The following RALYL variants were observed in gnomAD, a reference collection of about 807,000 sequenced individuals.
RALYL encodes the protein RNA-binding Raly-like protein.
In RALYL, 29 loss-of-function variants were observed where a neutral mutation model predicts 35.1. The observed-to-expected ratio is 0.83, with a 90% CI of 0.61 to 1.13. RALYL has a LOEUF of 1.13. Ranked by LOEUF, RALYL falls within the 50% of genes most tolerant of loss-of-function variation. The pLI is 0.00. For missense variants in RALYL, 359 were observed against 360.4 expected, an observed-to-expected ratio of 1.00 and a Z score of 0.03; for synonymous variants, 120 against 127.6, an observed-to-expected ratio of 0.94 and a Z score of 0.40.
At position 84,299,566 on chromosome 8, in the gene RALYL, G is replaced by A. The variant is rs567901808; in HGVS notation, c.-24+115142G>A. On this transcript the variant is annotated intron_variant, in intron 1 of 8. Coordinates refer to ENST00000521268, the MANE Select transcript of RALYL (RefSeq NM_173848.7). ...GGTACCAGTTCTTCTGTGTAATTCC[G>A]GTAGAATTCAACTGTGAATCTGTGT... Among the ~76,000 whole-genome samples the A allele has an allele frequency of 5.9e-5, 9 of 151,958 alleles. No individual in the cohort carries two copies. In the East Asian group the frequency reaches 7.8e-4, roughly 13 times the overall value.
chr8:84,669,449 G>C (rs896599492), intron 2 of RALYL, among the ~76,000 whole-genome samples: 1 of 144,848 alleles, frequency 6.9e-6, no homozygotes, highest in African/African-American at 2.5e-5. Context: ...ATAGTCCCCA[G>C]TAGTTAGTTA....
At chr8:84,618,172 C>A (rs986360555) in intron 2 of RALYL, among the ~76,000 whole-genome samples, 18 of 151,756 alleles carry the variant, frequency 1.2e-4, no homozygotes, top group East Asian at 1.9e-4. Flanking sequence ...GGAATGGTAC[C>A]AGTTCTTCCT....
intron 6 of RALYL, among the ~76,000 whole-genome samples, chr8:84,868,543 T>C (rs907262280): frequency 6.6e-6 from 1 of 152,178 alleles, no homozygotes; most frequent in Non-Finnish European, 1.5e-5. Flanking sequence ...ATATTCACTA[T>C]TCAAATCCAA....
At chr8:84,297,261 A>G (rs1839930136) in intron 1 of RALYL, among the ~76,000 whole-genome samples, 1 of 151,812 alleles carries the variant, frequency 6.6e-6, no homozygotes. Context: ...TTGTATCCAT[A>G]TGTACTCAAT....
At chr8:84,868,326 A>G (rs967519249) in intron 6 of RALYL, among the ~76,000 whole-genome samples, 8 of 152,136 alleles carry the variant, frequency 5.3e-5, no homozygotes, top group Admixed American at 4.6e-4. Flanking sequence ...CTGAAGAACC[A>G]GGAATACAGG....
chr8:84,374,737 C>A lies in RALYL; in HGVS notation c.-23-154562C>A, dbSNP rs76243073. 6.1e-3 allele frequency among the ~76,000 whole-genome samples: 920 copies of A among 151,684 alleles called. 12 individuals carry two copies. The highest frequency in any genetic ancestry group is 0.02 in the African/African-American group (846 of 41,412). ...TGGAGGGTGCAAGGAGGGATAGGAT[C>A]GGAAAAAGTAACTGTTGGGTACTAA... is the stretch of plus-strand genomic sequence containing the variant. On this transcript the variant is annotated intron_variant, in intron 1 of 8. Coordinates refer to ENST00000521268, the MANE Select transcript of RALYL (RefSeq NM_173848.7).
chr8:84,445,369 T>C (rs535804125), intron 1 of RALYL, among the ~76,000 whole-genome samples: 1 of 152,038 alleles, frequency 6.6e-6, no homozygotes, highest in African/African-American at 2.4e-5. Context: ...TCAATAGTGG[T>C]TCTAGAAAAA....
At chr8:84,639,761 C>A (rs1825928190) in intron 2 of RALYL, among the ~76,000 whole-genome samples, 1 of 151,792 alleles carries the variant, frequency 6.6e-6, no homozygotes. Flanking sequence ...ACCTTAGAGT[C>A]AAAAGAATTA....
At chr8:84,622,105 A>G (rs922607356) in intron 2 of RALYL, among the ~76,000 whole-genome samples, 3 of 152,220 alleles carry the variant, frequency 2.0e-5, no homozygotes, top group Non-Finnish European at 4.4e-5. Flanking sequence ...TGTATCAGTT[A>G]TAGAATTGAG....
At chr8:84,697,187 T>C (rs913027196) in intron 2 of RALYL, among the ~76,000 whole-genome samples, 3 of 152,038 alleles carry the variant, frequency 2.0e-5, no homozygotes, top group East Asian at 1.9e-4. Flanking sequence ...AAAATGTTGA[T>C]ACTATTCTTA....
chr8:84,521,078 C>T (rs1480712698), intron 1 of RALYL, among the ~76,000 whole-genome samples: 2 of 152,070 alleles, frequency 1.3e-5, no homozygotes, highest in South Asian at 2.1e-4. Context: ...ATATTGAAGC[C>T]CTAACCCCTA....
chr8:84,215,687 G>A lies in RALYL; in HGVS notation c.-24+31263G>A, dbSNP rs73295639. On this transcript the variant is annotated intron_variant, in intron 1 of 8. Coordinates refer to ENST00000521268, the MANE Select transcript of RALYL (RefSeq NM_173848.7). Reference sequence around the variant, plus strand: ...TAGCTTGTTAATCTTAAATTCATAAGCCAGTCAATACTTTATTTTCTAATT... The same window carrying A: ...TAGCTTGTTAATCTTAAATTCATAAACCAGTCAATACTTTATTTTCTAATT... Among the ~76,000 whole-genome samples, 130 of 151,912 alleles carry A rather than the reference G, an allele frequency of 8.6e-4. 1 individual carries two copies. The highest frequency in any genetic ancestry group is 2.8e-3 in the African/African-American group (116 of 41,436).
At chr8:84,815,773 A>G (rs1370812497) in intron 4 of RALYL, among the ~76,000 whole-genome samples, 1 of 152,118 alleles carries the variant, frequency 6.6e-6, no homozygotes, top group Non-Finnish European at 1.5e-5. Context: ...GCGGTGGCTC[A>G]TGCCTGGAAT....
chr8:84,311,090 A>AAAAAAATATATATAT (rs1554614840), intron 1 of RALYL, among the ~76,000 whole-genome samples: 2 of 99,720 alleles, frequency 2.0e-5, no homozygotes, highest in African/African-American at 7.2e-5. Context: ...AAAAAAAAAA[A>AAAAAAATATATATAT]ATGTATATTA....
intron 2 of RALYL, among the ~76,000 whole-genome samples, chr8:84,580,904 G>C (rs377343848): frequency 6.6e-6 from 1 of 152,252 alleles, no homozygotes; most frequent in East Asian, 1.9e-4. Flanking sequence ...TTGAAGGTAA[G>C]TCTTGTTGGC....
At chr8:84,601,196 A>T (rs568645134) in intron 2 of RALYL, among the ~76,000 whole-genome samples, 10 of 152,258 alleles carry the variant, frequency 6.6e-5, no homozygotes, top group Admixed American at 5.2e-4. Context: ...AAAGTGTGTT[A>T]TGTATGACCT....
intron 2 of RALYL, among the ~76,000 whole-genome samples, chr8:84,677,309 T>C (rs957506058): frequency 2.0e-5 from 3 of 152,316 alleles, no homozygotes; most frequent in Non-Finnish European, 2.9e-5. Context: ...GTTTGTAAAA[T>C]GTATTTTGAA....
chr8:84,448,793 A>G (rs2049122103), intron 1 of RALYL, among the ~76,000 whole-genome samples: 1 of 152,036 alleles, frequency 6.6e-6, no homozygotes, highest in Non-Finnish European at 1.5e-5. Context: ...AGCTTTGAGT[A>G]TGTCCATTCC....
intron 3 of RALYL, among the ~76,000 whole-genome samples, chr8:84,800,900 G>A (rs758757306): frequency 5.3e-5 from 8 of 151,880 alleles, no homozygotes; most frequent in East Asian, 3.9e-4. Flanking sequence ...TGGTATGGTC[G>A]TGACCATCAG....
Sources: gnomAD v4.1 joint callset for allele counts (sites outside exome capture counted in the v4.1 genomes callset) on GRCh38, gnomAD v4.1.1 for gene constraint, MANE v1.5 for transcripts, NCBI Gene and HGNC (gene_info 2026-07-23, HGNC 2026-07-21) for gene names.